Variants in RAB37 observed in about 807,000 individuals in gnomAD.
RAB37 encodes ras-related protein Rab-37.
RAB37 carries 29 observed loss-of-function variants against 33.1 expected under a neutral mutation model. That is an observed-to-expected ratio of 0.88 (90% CI 0.65 to 1.20). RAB37 has a LOEUF of 1.20. Among genes scored for constraint, RAB37 ranks in the 50% most tolerant of loss-of-function variants. RAB37 has a pLI of 0.00. For missense variants in RAB37, 299 were observed against 301.1 expected, an observed-to-expected ratio of 0.99 and a Z score of 0.05; for synonymous variants, 128 against 119.5, an observed-to-expected ratio of 1.07 and a Z score of -0.47.
Position 74,702,945 on chromosome 17 carries a change from A to G in RAB37, c.73-26311A>G, listed in dbSNP as rs535516985. 123 of 1,122,108 alleles carry G rather than the reference A, an allele frequency of 1.1e-4. No individual in the cohort carries two copies. In the African/African-American group the frequency reaches 1.6e-3, roughly 15 times the overall value. The allele number at this position is 1,122,108 out of a possible 1,614,324, so 69.5% of individuals were successfully genotyped here. A position where few individuals can be genotyped will look rare whatever the true frequency, so the allele number is the denominator to read the frequency against. ...ACCAAGGAGCATGCAGGTCCCAGAC[A>G]AAGCTCAGGCTGGAAAATGGGACTT... On this transcript the variant is annotated intron_variant, in intron 1 of 7. Coordinates refer to the RAB37 transcript ENST00000340415.
In RAB37 at chr17:74,738,835, G is replaced by A. The variant is rs1159147111; in HGVS notation, c.93+1470G>A. Among the ~76,000 whole-genome samples the A allele has an allele frequency of 6.6e-6, 1 of 152,126 alleles. No homozygotes were observed. The highest frequency in any genetic ancestry group is 2.4e-5 in the African/African-American group (1 of 41,426). On this transcript the variant is annotated intron_variant, in intron 1 of 8. Coordinates refer to ENST00000392613, the MANE Select transcript of RAB37 (RefSeq NM_001006638.3). This position sits in a 1 kb window ranked among gnomAD's most constrained non-coding sequence, Gnocchi z 5.0. ...CCTTGGACCAGACTAGGGGTGATGT[G>A]GCCCACAGGCAGACAGTTCCCACCC... is the stretch of plus-strand genomic sequence containing the variant.
At position 74,730,845 on chromosome 17, in the gene RAB37, G is replaced by A. The variant is rs529887509; in HGVS notation, c.183+1479G>A. Among the ~76,000 whole-genome samples the A allele has an allele frequency of 1.2e-4, 18 of 152,318 alleles. No individual in the cohort carries two copies. The South Asian group carries it at 3.7e-3, about 32-fold the overall frequency. ...CACGTTCCACAGACCACAGAGGTGA[G>A]ATCTCCAAATTTTGCCGCTAGCTTG... is the stretch of plus-strand genomic sequence containing the variant. On this transcript the variant is annotated intron_variant, in intron 2 of 7. Coordinates refer to the RAB37 transcript ENST00000340415. The surrounding 1 kb of genome is among the most constrained non-coding windows in gnomAD (Gnocchi z 4.4).
chr17:74,743,414 T>C, intron 5 of RAB37, 74 bp downstream of exon 5: 2 of 1,485,932 alleles, frequency 1.3e-6, no homozygotes, highest in Non-Finnish European at 1.9e-6. Flanking sequence ...GGTTGCTTCC[T>C]GCCCTGTGGA....
intron 1 of RAB37, chr17:74,696,300 G>T (rs1345736673): frequency 6.9e-7 from 1 of 1,444,994 alleles, no homozygotes; most frequent in African/African-American, 1.4e-5. Context: ...AGAGAAATAT[G>T]GAAGAAAAGA....
chr17:74,695,609 A>G (rs975033917), intron 1 of RAB37: 24 of 1,461,854 alleles, frequency 1.6e-5, no homozygotes, highest in Middle Eastern at 4.6e-4. Context: ...GCTTTGCCCC[A>G]CACCTGCCTC....
At chr17:74,731,823 C>A (rs1300187991) in intron 2 of RAB37, among the ~76,000 whole-genome samples, 1 of 151,992 alleles carries the variant, frequency 6.6e-6, no homozygotes, top group Non-Finnish European at 1.5e-5. Context: ...GCCTGGCCAA[C>A]ATGGCAAAAC....
intron 1 of RAB37, among the ~76,000 whole-genome samples, chr17:74,723,232 A>G (rs960468633): frequency 7.2e-5 from 11 of 152,210 alleles, no homozygotes; most frequent in African/African-American, 2.7e-4. Context: ...GACAAGTACC[A>G]TACACCCCAC....
intron 3 of RAB37, 121 bp from the exon 4 acceptor site, chr17:74,743,007 TA>T: frequency 1.2e-6 from 1 of 828,462 alleles, no homozygotes; most frequent in Non-Finnish European, 2.0e-6. Flanking sequence ...CATGAGAACC[TA>T]AAGAAGAAAA....
rs948939453 is a variant in RAB37 at position 74,740,716 on chromosome 17, C to G, written c.94-52C>G. On this transcript the variant is annotated intron_variant, in intron 1 of 8. Transcript: ENST00000392613. ...TCTCCATGTGTCTCTCTCCTGGAAT[C>G]CCAGAAGCTGCCCCTGACTCCCCAT... The G allele has an allele frequency of 8.0e-6, 10 of 1,256,238 alleles. No homozygotes were observed. In the African/African-American group the frequency reaches 1.3e-4, roughly 17 times the overall value. 77.8% of individuals were successfully genotyped at this position (1,256,238 alleles called of 1,614,324 possible).
intron 1 of RAB37, among the ~76,000 whole-genome samples, chr17:74,706,700 A>C (rs537058181): frequency 1.3e-5 from 2 of 152,152 alleles, no homozygotes; most frequent in Non-Finnish European, 2.9e-5. Context: ...AAAAACCAGC[A>C]GTTCAAGCAC....
chr17:74,721,488 A>G (rs1475062946), intron 1 of RAB37, among the ~76,000 whole-genome samples: 3 of 144,980 alleles, frequency 2.1e-5, no homozygotes, highest in African/African-American at 7.8e-5. Flanking sequence ...GCTGTAGTGT[A>G]ATGGTGTGAT....
Position 74,746,482 on chromosome 17 carries a change from C to CCAAA in RAB37, c.*1072_*1075dup, listed in dbSNP as rs1305364636. The stretch of plus-strand genomic sequence containing the variant: ...CAAGCAACCTGCCGGCCTCGGCCTC[C>CCAAA]CAAAGTACTGGGATTACACGCAGAA... On this transcript the variant is annotated 3_prime_UTR_variant, in exon 9 of 9. Transcript: ENST00000392613. This position sits in a 1 kb window ranked among gnomAD's most constrained non-coding sequence, Gnocchi z 5.2. 1.3e-5 allele frequency: 2 copies of CCAAA among 152,176 alleles called. No homozygotes were observed. The highest frequency in any genetic ancestry group is 6.5e-5 in the Admixed American group (1 of 15,286). The allele number at this position is 152,176 out of a possible 1,614,324, so 9.4% of individuals were successfully genotyped here. A position where few individuals can be genotyped will look rare whatever the true frequency, so the allele number is the denominator to read the frequency against.
chr17:74,688,324 G>C (rs983327517), intron 1 of RAB37, among the ~76,000 whole-genome samples: 16 of 151,996 alleles, frequency 1.1e-4, no homozygotes, highest in Non-Finnish European at 5.9e-5. Flanking sequence ...CCAAGGCAGG[G>C]GGATTACCTG....
chr17:74,706,561 G>A (rs754361230), intron 1 of RAB37, among the ~76,000 whole-genome samples: 4 of 152,020 alleles, frequency 2.6e-5, no homozygotes, highest in Admixed American at 1.3e-4. Context: ...CCAGCTACTC[G>A]GGAGGCTGAG....
chr17:74,702,909 T>A, intron 1 of RAB37: 1 of 752,532 alleles, frequency 1.3e-6, no homozygotes, highest in Non-Finnish European at 2.3e-6. Flanking sequence ...GCTCCCAGCT[T>A]CCTCATCCTC....
intron 1 of RAB37, among the ~76,000 whole-genome samples, chr17:74,682,705 G>A (rs1464526540): frequency 6.6e-6 from 1 of 152,206 alleles, no homozygotes; most frequent in Admixed American, 6.5e-5. Flanking sequence ...GGGAGTTCAA[G>A]AACAGCCTGA....
Position 74,745,146 on chromosome 17 carries a change from A to AGGGCCCGGCCCC in RAB37, c.566+63_566+74dup, listed in dbSNP as rs2034726278. On this transcript the variant is annotated intron_variant, in intron 8 of 8. Coordinates refer to ENST00000392613, the MANE Select transcript of RAB37 (RefSeq NM_001006638.3). The surrounding 1 kb of genome is among the most constrained non-coding windows in gnomAD (Gnocchi z 4.5). ...GGGCGGCACACTCCAGGAATCCAGT[A>AGGGCCCGGCCCC]GGGCCCGGCCCCTGGCCCAGCCCCT... 6.3e-7 allele frequency: 1 copy of AGGGCCCGGCCCC among 1,586,110 alleles called. No homozygotes were observed.
chr17:74,715,497 A>C (rs12944222), intron 1 of RAB37, among the ~76,000 whole-genome samples: 15,196 of 152,252 alleles, frequency 0.1, 864 homozygotes, highest in East Asian at 0.15. Context: ...TCAGAGAGCA[A>C]TCAGCCCTCT....
At chr17:74,701,440 C>T (rs2033041441) in intron 1 of RAB37, among the ~76,000 whole-genome samples, 1 of 152,146 alleles carries the variant, frequency 6.6e-6, no homozygotes, top group Non-Finnish European at 1.5e-5. Flanking sequence ...CGGGCACTTA[C>T]ATAAGGCTTC....
Sources: gnomAD v4.1 joint callset for allele counts (sites outside exome capture counted in the v4.1 genomes callset) on GRCh38, gnomAD v4.1.1 for gene constraint, Gnocchi (gnomAD v3.1) non-coding constraint, MANE v1.5 for transcripts, NCBI Gene and HGNC (gene_info 2026-07-23, HGNC 2026-07-21) for gene names.